The following FRMPD4 variants were observed in gnomAD, a reference collection of about 807,000 sequenced individuals.
FRMPD4 encodes the protein FERM and PDZ domain-containing protein 4.
FRMPD4 carries 22 observed loss-of-function variants against 94.1 expected under a neutral mutation model. That is an observed-to-expected ratio of 0.23 (90% CI 0.17 to 0.33). FRMPD4 has a LOEUF of 0.33. Ranked by LOEUF, FRMPD4 falls within the 10% of genes least tolerant of loss-of-function variation. The pLI is 1.00. For missense variants in FRMPD4, 1,111 were observed against 1,339.9 expected (o/e 0.83, Z 2.67); for synonymous variants, 631 against 548.6 (o/e 1.15, Z -2.10).
At chrX:12,296,863 A>G (rs1476119022) in intron 1 of FRMPD4, among the ~76,000 whole-genome samples, 3 of 111,875 alleles carry the variant, frequency 2.7e-5, no homozygotes, top group Non-Finnish European at 5.7e-5. Context: ...AGCTGGGCAC[A>G]CCCCAGTCCT....
At chrX:11,884,707 G>A (rs1258589879) in intron 3 of FRMPD4, among the ~76,000 whole-genome samples, 1 of 110,843 alleles carries the variant, frequency 9.0e-6, no homozygotes, top group East Asian at 2.8e-4. Context: ...TACCCTTTGA[G>A]ACTTAGTTCT....
intron 4 of FRMPD4, among the ~76,000 whole-genome samples, chrX:12,615,849 A>G (rs1438613254): frequency 9.0e-6 from 1 of 110,743 alleles, no homozygotes; most frequent in Non-Finnish European, 1.9e-5. Context: ...CACCAACCTA[A>G]TACATCTGTA....
chrX:12,082,879 A>G (rs777488128), intron 3 of FRMPD4, among the ~76,000 whole-genome samples: 6 of 112,217 alleles, frequency 5.3e-5, no homozygotes, highest in African/African-American at 1.9e-4. Context: ...TATCTGGCAG[A>G]AGAAATTTAT....
intron 3 of FRMPD4, among the ~76,000 whole-genome samples, chrX:12,042,216 C>CT (rs202168716): frequency 0.064 from 6,417 of 99,995 alleles, 246 homozygotes; most frequent in East Asian, 0.22. Flanking sequence ...CTTTTGACAG[C>CT]TTTTTTTTTT....
chrX:12,021,074 A>G (rs1404380676), intron 3 of FRMPD4, among the ~76,000 whole-genome samples: 1 of 111,974 alleles, frequency 8.9e-6, no homozygotes, highest in Non-Finnish European at 1.9e-5. Context: ...TTTGTCTATT[A>G]AATTAAAAAT....
intron 4 of FRMPD4, among the ~76,000 whole-genome samples, chrX:12,624,937 AG>A: frequency 9.0e-6 from 1 of 111,499 alleles, no homozygotes; most frequent in East Asian, 2.8e-4. Flanking sequence ...ACAGCTCAAT[AG>A]GAAAAAAAAG....
chrX:12,354,583 A>G (rs1275436266), intron 1 of FRMPD4, among the ~76,000 whole-genome samples: 1 of 112,497 alleles, frequency 8.9e-6, no homozygotes, highest in East Asian at 2.8e-4. Context: ...CCAGCATCGG[A>G]TAATATAATC....
At chrX:12,049,597 C>T (rs962338979) in intron 3 of FRMPD4, among the ~76,000 whole-genome samples, 2 of 111,366 alleles carry the variant, frequency 1.8e-5, no homozygotes, top group Non-Finnish European at 3.8e-5. Flanking sequence ...ATTCCTGTTG[C>T]CTAGTATTTA....
intron 2 of FRMPD4, among the ~76,000 whole-genome samples, chrX:12,609,282 G>A (rs1371389447): frequency 9.0e-6 from 1 of 111,511 alleles, no homozygotes; most frequent in African/African-American, 3.3e-5. Context: ...AAGTGGACCT[G>A]TGCAGTTCAA....
chrX:12,365,927 A>G (rs537712799), intron 1 of FRMPD4, among the ~76,000 whole-genome samples: 127 of 112,841 alleles, frequency 1.1e-3, no homozygotes, highest in Middle Eastern at 9.2e-3. Context: ...TCATTCAATA[A>G]TTCCATTCAC....
At chrX:12,359,756 C>T (rs2055955707) in intron 1 of FRMPD4, among the ~76,000 whole-genome samples, 1 of 112,205 alleles carries the variant, frequency 8.9e-6, no homozygotes, top group South Asian at 3.7e-4. Context: ...GCGTGAGCCA[C>T]CGTGCCTGGC....
intron 2 of FRMPD4, among the ~76,000 whole-genome samples, chrX:12,609,123 T>C (rs914496902): frequency 8.9e-6 from 1 of 111,898 alleles, no homozygotes; most frequent in Non-Finnish European, 1.9e-5. Context: ...GAAGAGAAAA[T>C]ATATTTATTA....
chrX:12,403,961 T>A (rs886069910), intron 1 of FRMPD4, among the ~76,000 whole-genome samples: 15 of 111,880 alleles, frequency 1.3e-4, no homozygotes, highest in Non-Finnish European at 2.1e-4. Context: ...GTGCTGCTTG[T>A]GTGGCCAAGT....
intron 3 of FRMPD4, among the ~76,000 whole-genome samples, chrX:11,972,956 C>T (rs2147382242): frequency 8.9e-6 from 1 of 112,227 alleles, no homozygotes; most frequent in Non-Finnish European, 1.9e-5. Context: ...AGATAATAGA[C>T]AAGTAAGATT....
chrX:12,280,238 G>C (rs767388409), intron 1 of FRMPD4, among the ~76,000 whole-genome samples: 1 of 87,250 alleles, frequency 1.1e-5, no homozygotes, highest in South Asian at 6.1e-4. Flanking sequence ...ATTTAGTAAG[G>C]CTGCTTTAAA....
At chrX:11,883,318 C>T (rs1266270886) in intron 3 of FRMPD4, among the ~76,000 whole-genome samples, 2 of 112,004 alleles carry the variant, frequency 1.8e-5, no homozygotes, top group Admixed American at 1.9e-4. Flanking sequence ...CACCTCAGTT[C>T]TCAATGATTT....
chrX:12,244,891 T>G (rs767432418), intron 1 of FRMPD4, among the ~76,000 whole-genome samples: 2 of 111,114 alleles, frequency 1.8e-5, no homozygotes, highest in Non-Finnish European at 3.8e-5. Context: ...TGAGTGTGAG[T>G]TGGGGAGAGG....
chrX:11,888,458 T>C (rs1816294057), intron 3 of FRMPD4, among the ~76,000 whole-genome samples: 1 of 112,490 alleles, frequency 8.9e-6, no homozygotes, highest in African/African-American at 3.2e-5. Context: ...TTTAAAGGTC[T>C]ATTTAAAATT....
At chrX:12,173,436 G>A (rs756611437) in intron 1 of FRMPD4, among the ~76,000 whole-genome samples, 3 of 111,990 alleles carry the variant, frequency 2.7e-5, no homozygotes, top group Non-Finnish European at 3.8e-5. Context: ...ATGTCAGTGA[G>A]GCCAAAAATA....
Sources: allele counts gnomAD v4.1 joint callset (sites outside exome capture counted in the v4.1 genomes callset), GRCh38; gene constraint gnomAD v4.1.1; transcripts MANE v1.5; gene names NCBI Gene and HGNC (gene_info 2026-07-23, HGNC 2026-07-21).